GRIK4: variants seen among roughly 807,000 people sequenced by gnomAD.
The protein encoded by GRIK4 is glutamate receptor ionotropic, kainate 4.
A neutral mutation model predicts 104.9 loss-of-function variants in GRIK4; 40 were observed. The ratio of observed to expected loss-of-function variants is 0.38; its 90% CI spans 0.30 to 0.50. The LOEUF (loss-of-function observed/expected upper bound fraction) is 0.50, where lower values mean the gene tolerates loss of function less well. Ranked by LOEUF, GRIK4 falls within the 20% of genes least tolerant of loss-of-function variation. The pLI is 0.93. For missense variants in GRIK4, 1,047 were observed against 1,308.1 expected (o/e 0.80, Z 3.08); for synonymous variants, 485 against 524.9 (o/e 0.92, Z 1.04).
At chr11:120,781,275 G>A (rs1313121736) in intron 3 of GRIK4, among the ~76,000 whole-genome samples, 1 of 151,848 alleles carries the variant, frequency 6.6e-6, no homozygotes, top group Non-Finnish European at 1.5e-5. Context: ...TTGATTTATT[G>A]ATCTAATTAT....
chr11:120,823,431 C>G (rs1953175759), intron 6 of GRIK4, among the ~76,000 whole-genome samples: 2 of 152,236 alleles, frequency 1.3e-5, no homozygotes, highest in Non-Finnish European at 2.9e-5. Flanking sequence ...AGCACTTTCA[C>G]TTAACATTTC....
At chr11:120,971,184 A>G (rs1944469012) in intron 19 of GRIK4, among the ~76,000 whole-genome samples, 1 of 152,134 alleles carries the variant, frequency 6.6e-6, no homozygotes, top group South Asian at 2.1e-4. Context: ...CATTCTCCCT[A>G]AGGCTGAAGG....
intron 1 of GRIK4, among the ~76,000 whole-genome samples, chr11:120,606,945 C>T (rs1441899375): frequency 6.6e-6 from 1 of 151,972 alleles, no homozygotes; most frequent in Non-Finnish European, 1.5e-5. Context: ...TCCGGAGGGG[C>T]CTGGTAGGAG....
chr11:120,751,649 T>C (rs995226949), intron 3 of GRIK4, among the ~76,000 whole-genome samples: 2 of 152,194 alleles, frequency 1.3e-5, no homozygotes. Flanking sequence ...GACAGCCACC[T>C]GGATGCAATA....
rs1950755598 is a variant in GRIK4, at chr11:120,712,608, T to A, written c.82+52208T>A. Among the ~76,000 whole-genome samples the A allele has an allele frequency of 2.0e-5, 3 of 148,374 alleles. 1 individual carries two copies. The highest frequency in any genetic ancestry group is 4.3e-4 in the South Asian group (2 of 4,624). ...TTCAAGAACAGCCTGGCCAACATAG[T>A]AAGACCCTGTCTCTTAAAAAAAAAA... On this transcript the variant is annotated intron_variant, in intron 3 of 20. Coordinates refer to ENST00000527524, the MANE Select transcript of GRIK4 (RefSeq NM_014619.5).
rs550177826 is a variant in GRIK4 at position 120,762,037 on chromosome 11, G to A, written c.83-40656G>A. Among the ~76,000 whole-genome samples the A allele has an allele frequency of 3.9e-5, 6 of 152,234 alleles. No individual in the cohort carries two copies. In the South Asian group the frequency reaches 1.2e-3, roughly 32 times the overall value. Reference sequence around the variant, plus strand: ...AGCATTGAATCTATAAATTACTTTGGGTAGTATGGCCATTTTCATGATATT... The same window carrying A: ...AGCATTGAATCTATAAATTACTTTGAGTAGTATGGCCATTTTCATGATATT... On this transcript the variant is annotated intron_variant, in intron 3 of 20. Transcript: ENST00000527524.
At chr11:120,876,086 C>T (rs1328694707) in intron 11 of GRIK4, among the ~76,000 whole-genome samples, 1 of 151,332 alleles carries the variant, frequency 6.6e-6, no homozygotes, top group Non-Finnish European at 1.5e-5. Context: ...TGCACAATCA[C>T]CTTTTCCAGG....
chr11:120,759,478 G>T (rs1381347439), intron 3 of GRIK4, among the ~76,000 whole-genome samples: 2 of 151,840 alleles, frequency 1.3e-5, no homozygotes, highest in African/African-American at 4.8e-5. Flanking sequence ...CCCAAGATTG[G>T]ATTCCCTTTG....
chr11:120,848,195 A>G (rs1180482480), intron 8 of GRIK4, among the ~76,000 whole-genome samples: 2 of 152,220 alleles, frequency 1.3e-5, no homozygotes, highest in African/African-American at 4.8e-5. Context: ...TAGTAGGCAC[A>G]GGTACAGACT....
At chr11:120,780,840 C>T (rs1030645902) in intron 3 of GRIK4, among the ~76,000 whole-genome samples, 8 of 152,142 alleles carry the variant, frequency 5.3e-5, no homozygotes, top group African/African-American at 1.9e-4. Flanking sequence ...CTCCCAGGTT[C>T]ACACCATTCT....
chr11:120,612,261 A>C (rs1415276556), intron 1 of GRIK4, among the ~76,000 whole-genome samples: 1 of 152,174 alleles, frequency 6.6e-6, no homozygotes, highest in Non-Finnish European at 1.5e-5. Flanking sequence ...GTAGAGTTTA[A>C]ATGGCACTTT....
At chr11:120,925,749 T>A (rs531793607) in intron 13 of GRIK4, among the ~76,000 whole-genome samples, 23 of 152,054 alleles carry the variant, frequency 1.5e-4, no homozygotes, top group African/African-American at 5.6e-4. Flanking sequence ...AGGCGGGTGA[T>A]CACCTGAGGT....
chr11:120,750,350 CTTTTT>C (rs869135246), intron 3 of GRIK4, among the ~76,000 whole-genome samples: 4 of 76,118 alleles, frequency 5.3e-5, no homozygotes, highest in African/African-American at 5.9e-5. Flanking sequence ...CTAGAAATCT[CTTTTT>C]TTTTTTTTTT....
At chr11:120,957,047 G>T (rs1428446223) in intron 16 of GRIK4, 94 bp downstream of exon 16, 2 of 1,110,724 alleles carry the variant, frequency 1.8e-6, no homozygotes. Flanking sequence ...GAGCCCCAGA[G>T]CCTCTGCCTC....
intron 9 of GRIK4, among the ~76,000 whole-genome samples, chr11:120,863,764 G>A (rs1246314115): frequency 1.3e-5 from 2 of 152,236 alleles, no homozygotes; most frequent in Non-Finnish European, 2.9e-5. Flanking sequence ...CCAACACGGT[G>A]ACCTTGGAGG....
At chr11:120,677,500 C>T (rs1950118020) in intron 3 of GRIK4, among the ~76,000 whole-genome samples, 1 of 152,324 alleles carries the variant, frequency 6.6e-6, no homozygotes, top group Middle Eastern at 3.4e-3. Flanking sequence ...CTGCCTGTTC[C>T]TCTGTTCTCT....
rs550261586 is a variant in GRIK4, at chr11:120,549,278, T to TA, written c.-159+37391_-159+37392insA. ...TACACCTGGCTAATTTTTGTATATATTTTTTTTTAAGTAAAGTCGGGCTTT... is the reference window on the plus strand; with the variant it reads ...TACACCTGGCTAATTTTTGTATATATATTTTTTTTAAGTAAAGTCGGGCTTT... On this transcript the variant is annotated intron_variant, in intron 1 of 20. Transcript: ENST00000527524. This position sits in a 1 kb window ranked among gnomAD's most constrained non-coding sequence, Gnocchi z 4.7. Among the ~76,000 whole-genome samples the TA allele has an allele frequency of 1.1e-3, 143 of 125,056 alleles. No homozygotes were observed. The East Asian group carries it at 0.014, about 12-fold the overall frequency. 82.0% of individuals were successfully genotyped at this position (125,056 alleles called of 152,430 possible). A position where few individuals can be genotyped will look rare whatever the true frequency, so the allele number is the denominator to read the frequency against.
intron 11 of GRIK4, among the ~76,000 whole-genome samples, chr11:120,892,454 A>G (rs73578615): frequency 0.11 from 17,093 of 152,068 alleles, 3,129 homozygotes; most frequent in African/African-American, 0.38. Context: ...CCCAGGCAAG[A>G]TCAGTGGGGA....
intron 1 of GRIK4, among the ~76,000 whole-genome samples, chr11:120,534,983 G>T (rs1947958248): frequency 6.6e-6 from 1 of 152,184 alleles, no homozygotes; most frequent in African/African-American, 2.4e-5. Context: ...CCTGATGGTT[G>T]GTTGCCCTAG....
Sources: gnomAD v4.1 joint callset for allele counts (sites outside exome capture counted in the v4.1 genomes callset) on GRCh38, gnomAD v4.1.1 for gene constraint, Gnocchi (gnomAD v3.1) non-coding constraint, MANE v1.5 for transcripts, NCBI Gene and HGNC (gene_info 2026-07-23, HGNC 2026-07-21) for gene names.